Variants in CNTNAP2 observed in about 807,000 individuals in gnomAD.
CNTNAP2 encodes contactin associated protein 2.
Under a neutral mutation model 155.2 loss-of-function variants are expected in CNTNAP2, and 98 were observed. The ratio of observed to expected loss-of-function variants is 0.63; its 90% CI spans 0.54 to 0.75. The LOEUF is 0.75. Among genes scored for constraint, CNTNAP2 ranks in the 30% least tolerant of loss-of-function variants. The pLI is 0.00. For missense variants in CNTNAP2, 1,727 were observed against 1,688.1 expected, an observed-to-expected ratio of 1.02 and a Z score of -0.40; for synonymous variants, 651 against 631.2, an observed-to-expected ratio of 1.03 and a Z score of -0.47.
At chr7:146,947,557 G>GTATGTATGTATATATATA (rs1797210847) in intron 3 of CNTNAP2, among the ~76,000 whole-genome samples, 1 of 50,714 alleles carries the variant, frequency 2.0e-5, no homozygotes, top group African/African-American at 5.7e-5. Context: ...GTGTGTGTGT[G>GTATGTATGTATATATATA]TATATATATA....
intron 11 of CNTNAP2, among the ~76,000 whole-genome samples, chr7:147,522,680 G>A (rs918236786): frequency 1.3e-5 from 2 of 149,036 alleles, no homozygotes; most frequent in East Asian, 4.1e-4. Flanking sequence ...GGGGAAAAAA[G>A]TTTGAAAGAA....
chr7:146,578,909 G>A (rs756990278), intron 1 of CNTNAP2, among the ~76,000 whole-genome samples: 1 of 151,956 alleles, frequency 6.6e-6, no homozygotes, highest in Non-Finnish European at 1.5e-5. Context: ...ATTTTCAATA[G>A]TATGCTTCCT....
At chr7:146,605,749 T>C (rs1799036004) in intron 1 of CNTNAP2, among the ~76,000 whole-genome samples, 1 of 152,308 alleles carries the variant, frequency 6.6e-6, no homozygotes, top group East Asian at 1.9e-4. Context: ...GTGAGCATAG[T>C]TGAATAACTG....
intron 15 of CNTNAP2, among the ~76,000 whole-genome samples, chr7:148,026,562 G>T (rs1802379400): frequency 6.6e-6 from 1 of 152,202 alleles, no homozygotes. Context: ...CACTGAATTT[G>T]TAGTAAAAAG....
At chr7:147,777,370 G>A (rs922875103) in intron 13 of CNTNAP2, among the ~76,000 whole-genome samples, 1 of 152,152 alleles carries the variant, frequency 6.6e-6, no homozygotes, top group Non-Finnish European at 1.5e-5. Context: ...AATTTAGAAT[G>A]GCAAATGTCT....
intron 8 of CNTNAP2, among the ~76,000 whole-genome samples, chr7:147,275,518 T>C: frequency 6.6e-6 from 1 of 152,100 alleles, no homozygotes; most frequent in Non-Finnish European, 1.5e-5. Flanking sequence ...CTGATTTTTA[T>C]ACATTGATTT....
At chr7:146,683,368 G>A (rs750276197) in intron 1 of CNTNAP2, among the ~76,000 whole-genome samples, 1 of 152,110 alleles carries the variant, frequency 6.6e-6, no homozygotes, top group Non-Finnish European at 1.5e-5. Context: ...GATTTGGCGG[G>A]GAGTGGGAAT....
intron 1 of CNTNAP2, among the ~76,000 whole-genome samples, chr7:146,655,231 G>A (rs1434716042): frequency 6.6e-6 from 1 of 151,618 alleles, no homozygotes; most frequent in Admixed American, 6.6e-5. Flanking sequence ...CAACCAACAT[G>A]GCAAAACCCT....
chr7:147,321,639 G>A (rs1795354690), intron 9 of CNTNAP2, among the ~76,000 whole-genome samples: 1 of 152,106 alleles, frequency 6.6e-6, no homozygotes, highest in Non-Finnish European at 1.5e-5. Flanking sequence ...CAGTGCCAGT[G>A]CGCAAGAGCA....
chr7:147,862,122 T>A (rs768374810), intron 13 of CNTNAP2, among the ~76,000 whole-genome samples: 4 of 151,884 alleles, frequency 2.6e-5, no homozygotes, highest in Non-Finnish European at 4.4e-5. Flanking sequence ...AGCAAACCAC[T>A]TCAAGGAAGC....
chr7:146,605,964 A>G (rs1412960333), intron 1 of CNTNAP2, among the ~76,000 whole-genome samples: 2 of 152,206 alleles, frequency 1.3e-5, no homozygotes, highest in East Asian at 1.9e-4. Flanking sequence ...AAAGTAAAAC[A>G]TAATCTATAA....
intron 15 of CNTNAP2, among the ~76,000 whole-genome samples, chr7:148,048,355 T>C (rs546022075): frequency 1.3e-5 from 2 of 152,274 alleles, no homozygotes; most frequent in African/African-American, 4.8e-5. Context: ...CAATTATCTT[T>C]TATAAATGTT....
intron 13 of CNTNAP2, among the ~76,000 whole-genome samples, chr7:147,854,478 T>C (rs916144252): frequency 1.1e-4 from 17 of 152,106 alleles, no homozygotes; most frequent in African/African-American, 4.1e-4. Flanking sequence ...AAACCCTACT[T>C]TTTGAAAGAG....
intron 16 of CNTNAP2, among the ~76,000 whole-genome samples, chr7:148,121,192 G>T (rs902402806): frequency 6.6e-6 from 1 of 151,988 alleles, no homozygotes; most frequent in Admixed American, 6.6e-5. Context: ...CCGCCACCGC[G>T]CCTGGCTAAT....
intron 10 of CNTNAP2, among the ~76,000 whole-genome samples, chr7:147,466,964 T>C (rs1160585395): frequency 6.6e-6 from 1 of 152,202 alleles, no homozygotes; most frequent in African/African-American, 2.4e-5. Context: ...ACTTCTGCCT[T>C]GGGAGAATAT....
intron 17 of CNTNAP2, among the ~76,000 whole-genome samples, chr7:148,160,193 T>C (rs865879216): frequency 1.3e-5 from 2 of 152,218 alleles, no homozygotes; most frequent in Admixed American, 1.3e-4. Context: ...TGAGCCGTAA[T>C]TGTGTCACTG....
chr7:147,162,516 C>A (rs1225593166), intron 8 of CNTNAP2, among the ~76,000 whole-genome samples: 1 of 152,122 alleles, frequency 6.6e-6, no homozygotes, highest in African/African-American at 2.4e-5. Context: ...TTGAAAATGT[C>A]TTCTGTGGAT....
intron 1 of CNTNAP2, among the ~76,000 whole-genome samples, chr7:146,140,991 C>T (rs1328972431): frequency 7.2e-5 from 11 of 152,154 alleles, no homozygotes; most frequent in Admixed American, 6.5e-4. Context: ...ATTGCAAAAT[C>T]TCTTTACAAA....
intron 8 of CNTNAP2, among the ~76,000 whole-genome samples, chr7:147,259,090 C>T (rs1306339951): frequency 3.3e-5 from 5 of 152,096 alleles, no homozygotes; most frequent in East Asian, 3.9e-4. Context: ...TTCCAGTGTG[C>T]GTTATGGGTT....
Sources: allele counts gnomAD v4.1 joint callset (sites outside exome capture counted in the v4.1 genomes callset), GRCh38; gene constraint gnomAD v4.1.1; transcripts MANE v1.5; gene names NCBI Gene and HGNC (gene_info 2026-07-23, HGNC 2026-07-21).